DGKB: variants seen among roughly 807,000 people sequenced by gnomAD.
The protein encoded by DGKB is 90 kDa diacylglycerol kinase.
DGKB carries 67 observed loss-of-function variants against 114.3 expected under a neutral mutation model. The ratio of observed to expected loss-of-function variants is 0.59; its 90% CI spans 0.48 to 0.72. The LOEUF is 0.72. Among genes scored for constraint, DGKB ranks in the 30% least tolerant of loss-of-function variants. The probability of loss-of-function intolerance (pLI) is 0.00; values close to 1 mark genes in which losing one functional copy is unlikely to be tolerated. For synonymous variants in DGKB, 398 were observed against 323.1 expected (o/e 1.23, Z -2.49); for missense variants, 907 against 975.2 (o/e 0.93, Z 0.93).
intron 21 of DGKB, among the ~76,000 whole-genome samples, chr7:14,368,599 A>G (rs796075172): frequency 9.4e-6 from 1 of 106,260 alleles, no homozygotes; most frequent in African/African-American, 3.4e-5. Context: ...GTGTGTGTGT[A>G]TGAAAAAGGT....
intron 16 of DGKB, 25 bp downstream of exon 16, chr7:14,613,315 C>A: frequency 6.9e-7 from 1 of 1,454,444 alleles, no homozygotes; most frequent in Non-Finnish European, 9.4e-7. Context: ...ATGACATAGA[C>A]ACTAAAATCA....
intron 15 of DGKB, among the ~76,000 whole-genome samples, chr7:14,616,114 G>A (rs970592935): frequency 1.3e-5 from 2 of 150,092 alleles, no homozygotes; most frequent in African/African-American, 4.9e-5. Context: ...TTGAGAGTAA[G>A]TTGCCAAAAT....
chr7:14,544,021 G>C (rs569261708), intron 20 of DGKB, among the ~76,000 whole-genome samples: 8 of 152,276 alleles, frequency 5.3e-5, no homozygotes, highest in Non-Finnish European at 7.4e-5. Context: ...ATTGCTATTA[G>C]TATATGATTT....
chr7:14,747,775 G>GCGCGCGCGCGCGCACACACA, intron 4 of DGKB, among the ~76,000 whole-genome samples: 1,917 of 149,234 alleles, frequency 0.013, 23 homozygotes, highest in African/African-American at 0.023. Flanking sequence ...ACATCCACGC[G>GCGCGCGCGCGCGCACACACA]CACGCACACA....
intron 23 of DGKB, among the ~76,000 whole-genome samples, chr7:14,256,787 A>G (rs1796029005): frequency 6.6e-6 from 1 of 152,132 alleles, no homozygotes; most frequent in Non-Finnish European, 1.5e-5. Flanking sequence ...AACATTAAAG[A>G]GAAAAGTGAG....
chr7:14,338,694 A>G lies in DGKB; in HGVS notation c.1943T>C (p.Ile648Thr). Reference protein sequence around the residue: ...SVEIECDGVQIDLINISLEGI... With the variant: ...SVEIECDGVQTDLINISLEGI... ...TTCCAGAGAGATGTTTATTAAATCT[A>G]TCTGTACTCCATCACACTGATCGGT... Residue 648 changes from isoleucine to threonine, a missense_variant, in exon 23 of 26, where the codon ATA becomes ACA. By Grantham distance (89) the Ile-to-Thr change is moderately conservative. Coordinates refer to ENST00000402815, the MANE Select transcript of DGKB (RefSeq NM_001350709.2). 2 of 1,577,680 alleles carry G rather than the reference A, an allele frequency of 1.3e-6. No homozygotes were observed. Among genetic ancestry groups the G allele is most frequent in the Non-Finnish European group, 1.7e-6 (2 of 1,161,010 alleles).
intron 1 of DGKB, among the ~76,000 whole-genome samples, chr7:14,935,941 C>T (rs988306674): frequency 6.6e-5 from 10 of 152,032 alleles, no homozygotes; most frequent in African/African-American, 2.4e-4. Flanking sequence ...GGTTGTCCAT[C>T]AACTACATTT....
chr7:14,258,496 G>T (rs975366963), intron 23 of DGKB, among the ~76,000 whole-genome samples: 12 of 152,152 alleles, frequency 7.9e-5, no homozygotes, highest in African/African-American at 2.9e-4. Context: ...AATGCAACAG[G>T]ATATTCTCTG....
chr7:14,307,012 T>A (rs1338995748), intron 23 of DGKB, among the ~76,000 whole-genome samples: 3 of 152,208 alleles, frequency 2.0e-5, no homozygotes, highest in African/African-American at 7.2e-5. Context: ...GTGCCCTTAG[T>A]GTGCCTTTAT....
chr7:14,314,146 A>G (rs1364228095), intron 23 of DGKB, among the ~76,000 whole-genome samples: 1 of 152,152 alleles, frequency 6.6e-6, no homozygotes. Flanking sequence ...CACCATCATC[A>G]AAGACCAAAA....
chr7:14,376,105 A>G (rs1398890644), intron 21 of DGKB, among the ~76,000 whole-genome samples: 1 of 152,196 alleles, frequency 6.6e-6, no homozygotes, highest in Non-Finnish European at 1.5e-5. Flanking sequence ...TCCTGCCTCC[A>G]TAGTTAATTT....
At chr7:14,211,384 TTACTCTCATGTTTTGTGA>T (rs1562628133) in intron 23 of DGKB, among the ~76,000 whole-genome samples, 1 of 106,876 alleles carries the variant, frequency 9.4e-6, no homozygotes, top group Non-Finnish European at 1.8e-5. Flanking sequence ...TTTTGTGATT[TTACTCTCATGTTTTGTGA>T]TATTTACTCT....
At chr7:14,328,838 TACTTA>T (rs375123670) in intron 23 of DGKB, among the ~76,000 whole-genome samples, 8 of 152,136 alleles carry the variant, frequency 5.3e-5, no homozygotes, top group African/African-American at 1.9e-4. Context: ...CAGACCTCAA[TACTTA>T]ATCTGATTAA....
chr7:14,888,982 T>A (rs944745168), intron 1 of DGKB, among the ~76,000 whole-genome samples: 1 of 151,554 alleles, frequency 6.6e-6, no homozygotes, highest in African/African-American at 2.4e-5. Flanking sequence ...ACACCATGGA[T>A]TGTAGCAGCC....
At chr7:14,173,787 T>A (rs17167942) in intron 25 of DGKB, among the ~76,000 whole-genome samples, 48,205 of 151,970 alleles carry the variant, frequency 0.32, 9,250 homozygotes, top group African/African-American at 0.55. Flanking sequence ...TATGCCAGAA[T>A]GTAAAATCAC....
chr7:14,351,361 G>A (rs1164307476), intron 21 of DGKB, among the ~76,000 whole-genome samples: 1 of 152,244 alleles, frequency 6.6e-6, no homozygotes, highest in Non-Finnish European at 1.5e-5. Context: ...AGTTCAGGGA[G>A]AGAAAAGCAC....
Position 14,574,309 on chromosome 7 carries a change from A to T in DGKB, c.1673T>A (p.Leu558Ter). 6.2e-7 allele frequency: 1 copy of T among 1,613,498 alleles called. No individual in the cohort carries two copies. Among genetic ancestry groups the T allele is most frequent in the Non-Finnish European group, 8.5e-7 (1 of 1,179,648 alleles). The change falls in exon 20 of 26, where the codon TTG becomes TAG. Residue 558 changes from leucine (L) to a stop codon, truncating the protein, a stop_gained. Coordinates refer to ENST00000402815, the MANE Select transcript of DGKB (RefSeq NM_001350709.2). LOFTEE classifies it high-confidence loss of function. ...KDIENSTEIM[L>*]DRWKFEVIPN... Reference sequence around the variant, plus strand: ...TATGACTTCAAACTTCCACCTGTCCAACATGATTTCTGTGCTGTTTTCAAT... The same window carrying T: ...TATGACTTCAAACTTCCACCTGTCCTACATGATTTCTGTGCTGTTTTCAAT...
At chr7:14,907,311 C>T (rs2128242145), upstream of DGKB, among the ~76,000 whole-genome samples, 1 of 152,302 alleles carries the variant, frequency 6.6e-6, no homozygotes, top group African/African-American at 2.4e-5. Flanking sequence ...CAGGCCTTTC[C>T]ACTGGACTTC....
At chr7:14,659,076 C>T (rs569607059) in intron 13 of DGKB, among the ~76,000 whole-genome samples, 1 of 152,000 alleles carries the variant, frequency 6.6e-6, no homozygotes, top group East Asian at 1.9e-4. Context: ...CCCTAACCCC[C>T]TACCACTCGA....
Sources: allele counts gnomAD v4.1 joint callset (sites outside exome capture counted in the v4.1 genomes callset), GRCh38; gene constraint gnomAD v4.1.1; transcripts MANE v1.5; gene names NCBI Gene and HGNC (gene_info 2026-07-23, HGNC 2026-07-21).